Variants in DAB1 observed in about 807,000 individuals in gnomAD.
DAB1 encodes DAB adaptor protein 1.
A neutral mutation model predicts 64.6 loss-of-function variants in DAB1; 15 were observed. The ratio of observed to expected loss-of-function variants is 0.23; its 90% CI spans 0.16 to 0.36. DAB1 has a LOEUF of 0.36. DAB1 is among the 10% of genes least tolerant of loss of function. The pLI, the probability that DAB1 is intolerant of heterozygous loss-of-function variation, is 1.00. For synonymous variants in DAB1, 235 were observed against 251.9 expected (o/e 0.93, Z 0.64); for missense variants, 596 against 706.7 (o/e 0.84, Z 1.78).
intron 5 of DAB1, among the ~76,000 whole-genome samples, chr1:57,898,500 A>G (rs1424297058): frequency 6.6e-6 from 1 of 152,226 alleles, no homozygotes; most frequent in Non-Finnish European, 1.5e-5. Flanking sequence ...GTTGTAAGAA[A>G]TACCATGTAC....
chr1:57,617,710 G>A (rs1645805504), intron 7 of DAB1, among the ~76,000 whole-genome samples: 2 of 152,234 alleles, frequency 1.3e-5, no homozygotes, highest in East Asian at 3.9e-4. Context: ...TTTAACTTGT[G>A]TTGTGAATGA....
intron 1 of DAB1, among the ~76,000 whole-genome samples, chr1:57,396,862 G>T (rs1357009712): frequency 6.6e-6 from 1 of 152,010 alleles, no homozygotes; most frequent in Non-Finnish European, 1.5e-5. Context: ...CTAATCAGTG[G>T]GATCTTTATT....
At position 58,465,837 on chromosome 1, in the gene DAB1, C is replaced by T. The variant is rs573586977; in HGVS notation, n.257+40223G>A. Among the ~76,000 whole-genome samples, 6 of 152,328 alleles carry T rather than the reference C, an allele frequency of 3.9e-5. No homozygotes were observed. In the South Asian group the frequency reaches 1.2e-3, roughly 32 times the overall value. On this transcript the variant is annotated intron_variant and non_coding_transcript_variant, in intron 3 of 20. Transcript: ENST00000485760. ...CACGAGGAAACTGGGGGGTTCAGTG[C>T]CTTGCCTGCAGTACCCATGGTCAAT...
intron 7 of DAB1, among the ~76,000 whole-genome samples, chr1:57,643,238 C>T (rs1263403934): frequency 6.6e-6 from 1 of 152,152 alleles, no homozygotes; most frequent in African/African-American, 2.4e-5. Context: ...TAAGATGTTC[C>T]TACAGTTACC....
At chr1:57,124,730 G>A (rs966052115) in intron 4 of DAB1, among the ~76,000 whole-genome samples, 1 of 152,066 alleles carries the variant, frequency 6.6e-6, no homozygotes, top group African/African-American at 2.4e-5. Context: ...TATGAATGAG[G>A]CTCCTGCAGA....
At chr1:57,924,584 C>T (rs889026390) in intron 5 of DAB1, among the ~76,000 whole-genome samples, 7 of 151,560 alleles carry the variant, frequency 4.6e-5, no homozygotes, top group Non-Finnish European at 8.8e-5. Context: ...CTCAGCCTCC[C>T]GAGTAGCTGG....
chr1:57,834,654 CACATATACGTATGTGT>C (rs1443282701), intron 1 of DAB1, among the ~76,000 whole-genome samples: 5 of 151,092 alleles, frequency 3.3e-5, no homozygotes. Context: ...TATAAAACTG[CACATATACGTATGTGT>C]ACATATATAT....
At chr1:58,044,951 A>G (rs1171920772) in intron 5 of DAB1, among the ~76,000 whole-genome samples, 2 of 152,204 alleles carry the variant, frequency 1.3e-5, no homozygotes, top group East Asian at 1.9e-4. Flanking sequence ...AGTATGCCCA[A>G]GGTCACATAG....
intron 4 of DAB1, among the ~76,000 whole-genome samples, chr1:58,313,307 T>A (rs1330617343): frequency 6.6e-6 from 1 of 152,108 alleles, no homozygotes; most frequent in Non-Finnish European, 1.5e-5. Context: ...GGGCTAGTAG[T>A]AGGTGGGGCT....
chr1:57,569,611 G>T (rs941719405), intron 7 of DAB1, among the ~76,000 whole-genome samples: 2 of 152,004 alleles, frequency 1.3e-5, no homozygotes, highest in South Asian at 2.1e-4. Context: ...GTGGGGGTAG[G>T]GGGGAGGGAT....
At chr1:58,025,567 G>A (rs904972478) in intron 5 of DAB1, among the ~76,000 whole-genome samples, 8 of 146,466 alleles carry the variant, frequency 5.5e-5, no homozygotes, top group South Asian at 4.3e-4. Flanking sequence ...TATAGAGAGA[G>A]AGCCTTTCAT....
intron 7 of DAB1, among the ~76,000 whole-genome samples, chr1:57,435,518 G>A (rs1685663357): frequency 6.6e-6 from 1 of 151,988 alleles, no homozygotes. Flanking sequence ...TAGTCTATAA[G>A]CTTTTTTCTA....
At chr1:58,126,559 A>G (rs1194330636) in intron 5 of DAB1, among the ~76,000 whole-genome samples, 2 of 150,520 alleles carry the variant, frequency 1.3e-5, no homozygotes, top group African/African-American at 2.5e-5. Flanking sequence ...GCACCCACTA[A>G]CTCGTCATCT....
intron 6 of DAB1, among the ~76,000 whole-genome samples, chr1:57,651,737 G>A (rs976725365): frequency 6.6e-5 from 10 of 152,128 alleles, no homozygotes; most frequent in Admixed American, 2.0e-4. Context: ...TAAAGACCTG[G>A]AGCTCTTAAA....
intron 5 of DAB1, among the ~76,000 whole-genome samples, chr1:57,923,854 G>C (rs1198909572): frequency 6.6e-6 from 1 of 152,152 alleles, no homozygotes; most frequent in Non-Finnish European, 1.5e-5. Flanking sequence ...AATGAAGAAA[G>C]TGCAAACACA....
intron 7 of DAB1, among the ~76,000 whole-genome samples, chr1:57,596,048 T>G (rs1313172932): frequency 6.6e-6 from 1 of 152,228 alleles, no homozygotes; most frequent in African/African-American, 2.4e-5. Context: ...TTTGTTGTTT[T>G]TTTCTATGCA....
intron 5 of DAB1, among the ~76,000 whole-genome samples, chr1:57,901,497 A>G (rs1445479717): frequency 6.6e-6 from 1 of 151,912 alleles, no homozygotes; most frequent in African/African-American, 2.4e-5. Flanking sequence ...TCTCATCTCT[A>G]CTTCTCCCAC....
intron 4 of DAB1, among the ~76,000 whole-genome samples, chr1:58,267,830 T>C (rs773801995): frequency 9.2e-5 from 14 of 152,224 alleles, no homozygotes; most frequent in Non-Finnish European, 1.6e-4. Flanking sequence ...ATTTAGATCA[T>C]TGGACTTGGA....
intron 7 of DAB1, among the ~76,000 whole-genome samples, chr1:57,558,494 A>T (rs551844346): frequency 2.0e-5 from 3 of 152,282 alleles, no homozygotes; most frequent in Non-Finnish European, 4.4e-5. Context: ...TAATTCATAT[A>T]AACAGAAATC....
Sources: allele counts gnomAD v4.1 joint callset (sites outside exome capture counted in the v4.1 genomes callset), GRCh38; gene constraint gnomAD v4.1.1; transcripts MANE v1.5; gene names NCBI Gene and HGNC (gene_info 2026-07-23, HGNC 2026-07-21).